Variants in ING4 observed in about 807,000 individuals in gnomAD.
The protein encoded by ING4 is inhibitor of growth protein 4.
A neutral mutation model predicts 33.1 loss-of-function variants in ING4; 28 were observed. The observed-to-expected ratio is 0.85, with a 90% CI of 0.63 to 1.16. ING4 has a LOEUF of 1.16. ING4 is among the 50% of genes most tolerant of loss of function. ING4 has a pLI of 0.00. For synonymous variants in ING4, 87 were observed against 104.4 expected (o/e 0.83, Z 1.02); for missense variants, 247 against 314.7 (o/e 0.78, Z 1.63).
intron 2 of ING4, among the ~76,000 whole-genome samples, chr12:6,654,323 CTATTTT>C (rs1393329250): frequency 6.6e-6 from 1 of 150,768 alleles, no homozygotes; most frequent in African/African-American, 2.4e-5. Flanking sequence ...ACTGCTCACT[CTATTTT>C]TCTTTTTTTT....
At chr12:6,651,554 C>A (rs950664276) in intron 6 of ING4, among the ~76,000 whole-genome samples, 169 bp from the exon 7 acceptor site, 2 of 151,874 alleles carry the variant, frequency 1.3e-5, no homozygotes, top group African/African-American at 4.8e-5. Context: ...TTCTTTTTTT[C>A]TTTTTGAGGC....
chr12:6,651,848 C>CTTT (rs1029172811), intron 6 of ING4, among the ~76,000 whole-genome samples: 34 of 114,808 alleles, frequency 3.0e-4, no homozygotes, highest in Non-Finnish European at 3.6e-4. Flanking sequence ...GGCTTTCAGG[C>CTTT]TTTTTTTTTT....
Position 6,655,616 on chromosome 12 carries a change from A to G in ING4, c.109+1111T>C, listed in dbSNP as rs575223967. On this transcript the variant is annotated intron_variant, in intron 2 of 7. Transcript: ENST00000341550. ...ACTCAAGAGTTACAACTGTATTACA[A>G]AAAAAGCAATCTGGTTCTCACCATT... The G allele has an allele frequency of 2.9e-4, 331 of 1,129,296 alleles. 2 individuals are homozygous for G. In the South Asian group the frequency reaches 3.3e-3, roughly 11 times the overall value. 70.0% of individuals were successfully genotyped at this position (1,129,296 alleles called of 1,614,324 possible). A position where few individuals can be genotyped will look rare whatever the true frequency, so the allele number is the denominator to read the frequency against.
At chr12:6,658,424 G>A (rs377491922) in intron 1 of ING4, among the ~76,000 whole-genome samples, 1 of 151,768 alleles carries the variant, frequency 6.6e-6, no homozygotes, top group African/African-American at 2.4e-5. Context: ...GGTGGCTCAT[G>A]CCTGTAATCC....
chr12:6,651,517 C>A, intron 6 of ING4, 132 bp from the exon 7 acceptor site: 1 of 710,376 alleles, frequency 1.4e-6, no homozygotes. Flanking sequence ...GTCCCAAGGC[C>A]AACCAGTTCC....
rs1482488393 is a variant in ING4 at position 6,652,916 on chromosome 12, C to A, written c.391+20G>T. 1.2e-6 allele frequency: 2 copies of A among 1,600,980 alleles called. No individual in the cohort carries two copies. Among genetic ancestry groups the A allele is most frequent in the African/African-American group, 1.3e-5 (1 of 74,726 alleles). ...CTTTCAGTCCTCGCCCCACCTCTCACAGCCCCGCCCCCTCCTCACTCTTTT... is the reference window on the plus strand; with the variant it reads ...CTTTCAGTCCTCGCCCCACCTCTCAAAGCCCCGCCCCCTCCTCACTCTTTT... On this transcript the variant is annotated intron_variant, in intron 4 of 7. Transcript: ENST00000341550.
At chr12:6,652,502 G>A (rs1592316511) in intron 5 of ING4, 84 bp from the exon 6 acceptor site, 1 of 1,481,982 alleles carries the variant, frequency 6.7e-7, no homozygotes, top group East Asian at 2.3e-5. Flanking sequence ...GGAGATCCTG[G>A]TAGGGCAAAT....
At chr12:6,655,014 G>A (rs939466727) in intron 2 of ING4, among the ~76,000 whole-genome samples, 1 of 148,598 alleles carries the variant, frequency 6.7e-6, no homozygotes, top group African/African-American at 2.5e-5. Context: ...CATGAGCCAC[G>A]GCACCCGGTC....
chr12:6,661,084 G>A (rs1232959253), intron 1 of ING4, among the ~76,000 whole-genome samples: 1 of 150,158 alleles, frequency 6.7e-6, no homozygotes, highest in African/African-American at 2.5e-5. Flanking sequence ...GTGAGCCACC[G>A]CTCCCAGCCT....
At chr12:6,660,044 T>C (rs1290614631) in intron 1 of ING4, among the ~76,000 whole-genome samples, 4 of 152,218 alleles carry the variant, frequency 2.6e-5, no homozygotes, top group African/African-American at 7.2e-5. Flanking sequence ...CCTGTTTCCA[T>C]AGTGTTTAGA....
At chr12:6,656,191 CAG>C (rs1396937701) in intron 2 of ING4, among the ~76,000 whole-genome samples, 1 of 146,356 alleles carries the variant, frequency 6.8e-6, no homozygotes, top group African/African-American at 2.6e-5. Flanking sequence ...TTTTTTGAGA[CAG>C]AGTCTTGCTC....
chr12:6,661,840 C>A (rs549722684), intron 1 of ING4, among the ~76,000 whole-genome samples: 22 of 152,124 alleles, frequency 1.4e-4, no homozygotes, highest in Non-Finnish European at 2.6e-4. Flanking sequence ...TTCTGTAACT[C>A]CCTAAAATCA....
intron 1 of ING4, among the ~76,000 whole-genome samples, chr12:6,659,828 A>T (rs1949491671): frequency 6.6e-6 from 1 of 151,774 alleles, no homozygotes; most frequent in Admixed American, 6.6e-5. Context: ...AAAAAAAAAA[A>T]AATAGATGGG....
chr12:6,659,935 G>A (rs1949495918), intron 1 of ING4, among the ~76,000 whole-genome samples: 1 of 151,724 alleles, frequency 6.6e-6, no homozygotes, highest in South Asian at 2.1e-4. Flanking sequence ...GGGCAAAAGA[G>A]CAAGACTGTT....
At chr12:6,661,662 G>A (rs2136285950) in intron 1 of ING4, among the ~76,000 whole-genome samples, 1 of 151,226 alleles carries the variant, frequency 6.6e-6, no homozygotes, top group Non-Finnish European at 1.5e-5. Flanking sequence ...CTGACCTCAA[G>A]TGATCTGCCC....
At chr12:6,653,078 G>C in intron 3 of ING4, 28 bp from the exon 4 acceptor site, 1 of 1,607,336 alleles carries the variant, frequency 6.2e-7, no homozygotes, top group South Asian at 1.1e-5. Context: ...AGAAAGGAGA[G>C]GTACAAAACT....
chr12:6,660,700 A>G (rs1191215404), intron 1 of ING4, among the ~76,000 whole-genome samples: 2 of 152,230 alleles, frequency 1.3e-5, no homozygotes, highest in Non-Finnish European at 2.9e-5. Context: ...CAGGTCTGCT[A>G]CCACCAGTTC....
chr12:6,652,743 G>C lies in ING4; in HGVS notation c.416C>G (p.Ala139Gly). ...KKSRTQKEKKAARARSKGKNS... is the reference protein window; with the variant it reads ...KKSRTQKEKKGARARSKGKNS... ...TTTCCCTTTGGAACGAGCACGAGCA[G>C]CTTTCTTCTCCTTTTGAGTCCGGCC... The change falls in exon 5 of 8, where the codon GCT (alanine) becomes GGT (glycine). Residue 139 changes from alanine to glycine, a missense_variant. By Grantham distance (60) the Ala-to-Gly change is moderately conservative. Transcript: ENST00000341550. The C allele has an allele frequency of 6.2e-7, 1 of 1,614,132 alleles. No individual in the cohort carries two copies. The highest frequency in any genetic ancestry group is 8.5e-7 in the Non-Finnish European group (1 of 1,180,018).
At chr12:6,660,648 T>A (rs1211729232) in intron 1 of ING4, among the ~76,000 whole-genome samples, 4 of 150,578 alleles carry the variant, frequency 2.7e-5, no homozygotes, top group African/African-American at 7.3e-5. Context: ...ATAAAATAAA[T>A]AAAAAAAAAT....
Sources: gnomAD v4.1 joint callset for allele counts (sites outside exome capture counted in the v4.1 genomes callset) on GRCh38, gnomAD v4.1.1 for gene constraint, MANE v1.5 for transcripts, NCBI Gene and HGNC (gene_info 2026-07-23, HGNC 2026-07-21) for gene names.